The following TRHDE variants were observed in gnomAD, a reference collection of about 807,000 sequenced individuals.
TRHDE encodes the protein thyrotropin releasing hormone degrading enzyme.
Under a neutral mutation model 125.7 loss-of-function variants are expected in TRHDE, and 72 were observed. The observed-to-expected ratio is 0.57, with a 90% CI of 0.47 to 0.70. The LOEUF is 0.70. Ranked by LOEUF, TRHDE falls within the 30% of genes least tolerant of loss-of-function variation. TRHDE has a pLI of 0.00. For missense variants in TRHDE, 1,110 were observed against 1,327.1 expected (o/e 0.84, Z 2.54); for synonymous variants, 509 against 509.1 (o/e 1.00, Z 0.00).
At chr12:72,208,029 C>T (rs987201956) in intron 2 of TRHDE, among the ~76,000 whole-genome samples, 1 of 152,180 alleles carries the variant, frequency 6.6e-6, no homozygotes, top group Admixed American at 6.5e-5. Flanking sequence ...CTGCTGCCCC[C>T]TCCATAACTG....
At chr12:72,210,998 A>T (rs533746803) in intron 2 of TRHDE, among the ~76,000 whole-genome samples, 6 of 152,312 alleles carry the variant, frequency 3.9e-5, no homozygotes, top group African/African-American at 1.4e-4. Context: ...CTGGCTGGCC[A>T]TGTAATTGAT....
At chr12:72,110,418 C>T (rs986351453) in intron 2 of TRHDE, among the ~76,000 whole-genome samples, 5 of 151,750 alleles carry the variant, frequency 3.3e-5, no homozygotes, top group Non-Finnish European at 7.4e-5. Context: ...TGTCAAAATT[C>T]ACCTTTTTTT....
intron 3 of TRHDE, among the ~76,000 whole-genome samples, chr12:72,436,052 G>A (rs2135849366): frequency 6.6e-6 from 1 of 152,096 alleles, no homozygotes; most frequent in African/African-American, 2.4e-5. Context: ...TAAATACAGG[G>A]TCATGTATCT....
At chr12:72,375,986 A>C (rs1200196403) in intron 2 of TRHDE, among the ~76,000 whole-genome samples, 1 of 152,108 alleles carries the variant, frequency 6.6e-6, no homozygotes. Flanking sequence ...TTTGCTCCTA[A>C]CAGCTCACAC....
At chr12:72,470,217 G>A (rs1042424247) in intron 4 of TRHDE, among the ~76,000 whole-genome samples, 2 of 152,160 alleles carry the variant, frequency 1.3e-5, no homozygotes, top group Non-Finnish European at 2.9e-5. Flanking sequence ...TTATTTTCTT[G>A]TGATTATTAG....
chr12:72,532,597 T>C (rs1348011087), intron 6 of TRHDE, among the ~76,000 whole-genome samples: 2 of 151,278 alleles, frequency 1.3e-5, no homozygotes, highest in Non-Finnish European at 3.0e-5. Flanking sequence ...CTTATTATTT[T>C]GAATAAGAAT....
intron 12 of TRHDE, among the ~76,000 whole-genome samples, chr12:72,578,480 C>T (rs546236451): frequency 1.3e-5 from 2 of 152,230 alleles, no homozygotes; most frequent in East Asian, 3.9e-4. Flanking sequence ...TTTACTCACC[C>T]TCCCTCATTG....
intron 7 of TRHDE, among the ~76,000 whole-genome samples, chr12:72,559,630 TTTAAG>T (rs1191319619): frequency 6.6e-6 from 1 of 152,206 alleles, no homozygotes; most frequent in Non-Finnish European, 1.5e-5. Flanking sequence ...CACAATTCTT[TTTAAG>T]TTAATATTAA....
chr12:72,143,897 A>T (rs1404586552), intron 2 of TRHDE, among the ~76,000 whole-genome samples: 1 of 152,204 alleles, frequency 6.6e-6, no homozygotes, highest in Admixed American at 6.5e-5. Flanking sequence ...TGTTTTTACT[A>T]GTTTACTTCT....
chr12:72,384,534 G>A (rs1224841928), intron 3 of TRHDE, among the ~76,000 whole-genome samples: 1 of 152,072 alleles, frequency 6.6e-6, no homozygotes, highest in Non-Finnish European at 1.5e-5. Context: ...ATAAAGAGAA[G>A]TCTTATTTTT....
intron 6 of TRHDE, among the ~76,000 whole-genome samples, chr12:72,529,311 T>C (rs1435737841): frequency 1.3e-5 from 2 of 152,152 alleles, no homozygotes; most frequent in South Asian, 2.1e-4. Context: ...TTGCCAGATA[T>C]ACATATACTC....
intron 4 of TRHDE, among the ~76,000 whole-genome samples, chr12:72,470,627 C>A (rs1876596421): frequency 6.6e-6 from 1 of 152,064 alleles, no homozygotes; most frequent in Non-Finnish European, 1.5e-5. Context: ...GATACCTGTC[C>A]TGGTTACCAG....
intron 16 of TRHDE, 50 bp downstream of exon 16, chr12:72,652,539 T>G: frequency 7.0e-7 from 1 of 1,436,796 alleles, no homozygotes; most frequent in Non-Finnish European, 9.5e-7. Context: ...AGTATTCTGT[T>G]AATCAAATTG....
intron 2 of TRHDE, among the ~76,000 whole-genome samples, chr12:72,308,532 C>G (rs1868394665): frequency 6.6e-6 from 1 of 151,998 alleles, no homozygotes. Flanking sequence ...GTAAAAAGTA[C>G]CTGGCTTGTG....
intron 15 of TRHDE, among the ~76,000 whole-genome samples, chr12:72,640,052 G>C (rs985814331): frequency 1.3e-5 from 2 of 152,310 alleles, no homozygotes; most frequent in Middle Eastern, 3.4e-3. Flanking sequence ...CTTCCCTGCT[G>C]CTTTGTTTAC....
intron 2 of TRHDE, among the ~76,000 whole-genome samples, chr12:72,183,685 A>C (rs1001334996): frequency 6.6e-6 from 1 of 152,164 alleles, no homozygotes; most frequent in Non-Finnish European, 1.5e-5. Context: ...CTTCATGCAG[A>C]GTTTGGAGTC....
At chr12:72,553,547 C>T (rs1274633351) in intron 7 of TRHDE, among the ~76,000 whole-genome samples, 2 of 152,040 alleles carry the variant, frequency 1.3e-5, no homozygotes, top group Admixed American at 6.6e-5. Flanking sequence ...CCATGAACTG[C>T]CCATCAGGGG....
At chr12:72,096,939 T>C (rs1363565889) in intron 1 of TRHDE, among the ~76,000 whole-genome samples, 1 of 152,198 alleles carries the variant, frequency 6.6e-6, no homozygotes, top group Admixed American at 6.5e-5. Context: ...CTTAAGAGCA[T>C]GGCAGAAAAG....
chr12:72,146,262 G>A (rs923693289), intron 2 of TRHDE, among the ~76,000 whole-genome samples: 2 of 152,106 alleles, frequency 1.3e-5, no homozygotes, highest in Admixed American at 1.3e-4. Context: ...ATCCTTGTCC[G>A]TGTTTCCTCA....
Sources: gnomAD v4.1 joint callset for allele counts (sites outside exome capture counted in the v4.1 genomes callset) on GRCh38, gnomAD v4.1.1 for gene constraint, MANE v1.5 for transcripts, NCBI Gene and HGNC (gene_info 2026-07-23, HGNC 2026-07-21) for gene names.